The following FANCE variants were observed in gnomAD, a reference collection of about 807,000 sequenced individuals.
FANCE encodes Fanconi anemia group E protein.
In FANCE, 42 loss-of-function variants were observed where a neutral mutation model predicts 57.8. The observed-to-expected ratio is 0.73, with a 90% confidence interval of 0.57 to 0.94. FANCE has a LOEUF of 0.94. Among genes scored for constraint, FANCE ranks in the 40% least tolerant of loss-of-function variants. FANCE has a pLI of 0.00. For synonymous variants in FANCE, 251 were observed against 286.4 expected, an observed-to-expected ratio of 0.88 and a Z score of 1.25; for missense variants, 608 against 661.8, an observed-to-expected ratio of 0.92 and a Z score of 0.89.
chr6:35,452,511 C>A lies in FANCE; in HGVS notation c.-35C>A. On this transcript the variant is annotated 5_prime_UTR_variant, in exon 1 of 10. Transcript: ENST00000229769. ...CAGCCTCTGAGCTGAGGCCCCACAC[C>A]AGAGTAGGGGGCGGCGCGGCACCCG... 1 of 1,261,246 alleles carries A rather than the reference C, an allele frequency of 7.9e-7. No individual in the cohort carries two copies. Among genetic ancestry groups the A allele is most frequent in the Non-Finnish European group, 1.0e-6 (1 of 1,002,500 alleles). 78.1% of individuals were successfully genotyped at this position (1,261,246 alleles called of 1,614,324 possible).
rs1400085728 is a variant in FANCE, at chr6:35,464,861, T to A, written c.1510-1383T>A. Among the ~76,000 whole-genome samples the A allele has an allele frequency of 2.0e-5, 3 of 149,124 alleles. No homozygotes were observed. The Admixed American group carries it at 2.0e-4, about 10-fold the overall frequency. ...CATTCTCCTGCCTCAGCCTCCCGAG[T>A]AGCTGGGACTACAGGCGCCTGCCAG... is the stretch of plus-strand genomic sequence containing the variant. On this transcript the variant is annotated intron_variant, in intron 9 of 9. Coordinates refer to ENST00000229769, the MANE Select transcript of FANCE (RefSeq NM_021922.3).
At chr6:35,458,579 G>A (rs1767449043) in intron 5 of FANCE, 139 bp downstream of exon 5, 1 of 1,048,286 alleles carries the variant, frequency 9.5e-7, no homozygotes, top group Non-Finnish European at 1.5e-6. Flanking sequence ...GGCAAGGAAA[G>A]GATGCCTGCT....
rs1389698511 is a variant in FANCE at position 35,452,750 on chromosome 6, C to G, written c.205C>G (p.Arg69Gly). Residue 69 changes from arginine to glycine, a missense_variant, in exon 1 of 10, where the codon CGG (arginine) becomes GGG (glycine). Coordinates refer to ENST00000229769, the MANE Select transcript of FANCE (RefSeq NM_021922.3). Reference protein sequence around the residue: ...DWGRLLEALCREEPVVQGPDG... With the variant: ...DWGRLLEALCGEEPVVQGPDG... The stretch of plus-strand genomic sequence containing the variant: ...GGGTCGCTTGCTCGAGGCCCTGTGC[C>G]GGGAGGAGCCGGTCGTGCAGGGGCC... 7.9e-7 allele frequency: 1 copy of G among 1,271,710 alleles called. No individual in the cohort carries two copies. Among genetic ancestry groups the G allele is most frequent in the Non-Finnish European group, 9.9e-7 (1 of 1,006,102 alleles). The allele number at this position is 1,271,710 out of a possible 1,614,324, so 78.8% of individuals were successfully genotyped here.
chr6:35,453,843 G>A (rs1767211080), intron 1 of FANCE, among the ~76,000 whole-genome samples: 2 of 152,100 alleles, frequency 1.3e-5, no homozygotes, highest in Non-Finnish European at 2.9e-5. Context: ...GAGAGGGCAG[G>A]GCCTTAACCT....
At chr6:35,465,465 T>C (rs1767796081) in intron 9 of FANCE, among the ~76,000 whole-genome samples, 1 of 152,192 alleles carries the variant, frequency 6.6e-6, no homozygotes, top group South Asian at 2.1e-4. Flanking sequence ...GCATGAACCA[T>C]GGTGCCCAGC....
In FANCE at chr6:35,452,541, C is replaced by A; in HGVS notation, c.-5C>A. On this transcript the variant is annotated 5_prime_UTR_variant, in exon 1 of 10. Coordinates refer to ENST00000229769, the MANE Select transcript of FANCE (RefSeq NM_021922.3). ...TAGGGGGCGGCGCGGCACCCGTGCC[C>A]CGGCATGGCGACACCGGACGCGGGG... 1 of 1,311,574 alleles carries A rather than the reference C, an allele frequency of 7.6e-7. No homozygotes were observed. The highest frequency in any genetic ancestry group is 9.7e-7 in the Non-Finnish European group (1 of 1,026,686). 81.2% of individuals were successfully genotyped at this position (1,311,574 alleles called of 1,614,324 possible). A position where few individuals can be genotyped will look rare whatever the true frequency, so the allele number is the denominator to read the frequency against.
chr6:35,452,362 A>C lies in FANCE; in HGVS notation c.-184A>C. On this transcript the variant is annotated 5_prime_UTR_variant, in exon 1 of 10. Coordinates refer to ENST00000229769, the MANE Select transcript of FANCE (RefSeq NM_021922.3). ...TCCTTCCCTTTCCGACAGCGCGGGA[A>C]CGGCTGCGGCTTCGGGCGGCCGGGT... is the stretch of plus-strand genomic sequence containing the variant. 53 of 515,882 alleles carry C rather than the reference A, an allele frequency of 1.0e-4. No individual in the cohort carries two copies. Among genetic ancestry groups the C allele is most frequent in the East Asian group, 2.6e-4 (6 of 23,190 alleles). 32.0% of individuals were successfully genotyped at this position (515,882 alleles called of 1,614,324 possible).
intron 5 of FANCE, among the ~76,000 whole-genome samples, chr6:35,458,858 G>T (rs1166322211): frequency 1.3e-5 from 2 of 152,208 alleles, no homozygotes; most frequent in African/African-American, 2.4e-5. Flanking sequence ...TTGGCTCACT[G>T]CGACCTCTGC....
chr6:35,458,509 T>C (rs1767445266), intron 5 of FANCE, 69 bp downstream of exon 5: 2 of 1,583,066 alleles, frequency 1.3e-6, no homozygotes, highest in Non-Finnish European at 1.7e-6. Flanking sequence ...CTCAGAAGGG[T>C]GGTACTTGAG....
Position 35,466,438 on chromosome 6 carries a change from A to C in FANCE, c.*93A>C. ...CCACCTTGTCTTGAGCCCTAGCCTGAGGATAAAGGCTGAGCCTGGCCATCC... is the reference window on the plus strand; with the variant it reads ...CCACCTTGTCTTGAGCCCTAGCCTGCGGATAAAGGCTGAGCCTGGCCATCC... On this transcript the variant is annotated 3_prime_UTR_variant, in exon 10 of 10. Transcript: ENST00000229769. 1.1e-6 allele frequency: 1 copy of C among 880,696 alleles called. No individual in the cohort carries two copies. The highest frequency in any genetic ancestry group is 1.3e-5 in the South Asian group (1 of 74,514). The allele number at this position is 880,696 out of a possible 1,614,324, so 54.6% of individuals were successfully genotyped here. A position where few individuals can be genotyped will look rare whatever the true frequency, so the allele number is the denominator to read the frequency against.
chr6:35,458,068 A>G lies in FANCE; in HGVS notation c.969+84A>G. 11 of 1,328,512 alleles carry G rather than the reference A, an allele frequency of 8.3e-6. 1 individual carries two copies. Among genetic ancestry groups the G allele is most frequent in the Non-Finnish European group, 1.2e-5 (11 of 928,502 alleles). 82.3% of individuals were successfully genotyped at this position (1,328,512 alleles called of 1,614,324 possible). ...ATTTAAGTTTATGTTTTCCTACCTC[A>G]TGTGGGAAATGTGGGAGGGGATTTT... On this transcript the variant is annotated intron_variant, in intron 4 of 9. Transcript: ENST00000229769.
At chr6:35,453,461 G>C (rs1767194756) in intron 1 of FANCE, among the ~76,000 whole-genome samples, 1 of 151,582 alleles carries the variant, frequency 6.6e-6, no homozygotes, top group Admixed American at 6.6e-5. Context: ...TTATTTGTGA[G>C]GACAACTTTT....
Position 35,466,429 on chromosome 6 carries a change from C to A in FANCE, c.*84C>A. On this transcript the variant is annotated 3_prime_UTR_variant, in exon 10 of 10. Coordinates refer to ENST00000229769, the MANE Select transcript of FANCE (RefSeq NM_021922.3). Reference sequence around the variant, plus strand: ...CTTTCTTCACCACCTTGTCTTGAGCCCTAGCCTGAGGATAAAGGCTGAGCC... The same window carrying A: ...CTTTCTTCACCACCTTGTCTTGAGCACTAGCCTGAGGATAAAGGCTGAGCC... The A allele has an allele frequency of 1.1e-6, 1 of 931,694 alleles. No homozygotes were observed. The highest frequency in any genetic ancestry group is 1.3e-5 in the South Asian group (1 of 76,182). 57.7% of individuals were successfully genotyped at this position (931,694 alleles called of 1,614,324 possible).
intron 8 of FANCE, 54 bp downstream of exon 8, chr6:35,460,672 A>ACCCCGTGT: frequency 6.5e-7 from 1 of 1,538,364 alleles, no homozygotes; most frequent in Non-Finnish European, 9.0e-7. Flanking sequence ...AGTCCTTGGA[A>ACCCCGTGT]GCACACGGGG....
chr6:35,460,442 A>G, intron 7 of FANCE, 110 bp from the exon 8 acceptor site: 1 of 1,072,658 alleles, frequency 9.3e-7, no homozygotes, highest in Non-Finnish European at 1.4e-6. Flanking sequence ...TTGGCTGGGG[A>G]TCTTGGCTGT....
chr6:35,459,902 CCTT>C (rs1767516589), intron 7 of FANCE, 142 bp downstream of exon 7: 1 of 715,106 alleles, frequency 1.4e-6, no homozygotes, highest in Admixed American at 2.2e-5. Flanking sequence ...TCCTCTTTCT[CCTT>C]TATGAGTCCT....
chr6:35,452,812 C>A lies in FANCE; in HGVS notation c.248+19C>A. On this transcript the variant is annotated intron_variant, in intron 1 of 9. Transcript: ENST00000229769. ...TGGAGCTGTAAGTCCTCGCCCGCGGCCCCTTAGCAGGTATGGGAGGCGGGG... is the reference window on the plus strand; with the variant it reads ...TGGAGCTGTAAGTCCTCGCCCGCGGACCCTTAGCAGGTATGGGAGGCGGGG... 1 of 1,311,570 alleles carries A rather than the reference C, an allele frequency of 7.6e-7. No individual in the cohort carries two copies. Among genetic ancestry groups the A allele is most frequent in the Non-Finnish European group, 9.8e-7 (1 of 1,024,526 alleles). The allele number at this position is 1,311,570 out of a possible 1,614,324, so 81.2% of individuals were successfully genotyped here.
In FANCE at chr6:35,458,390, C is replaced by T; in HGVS notation, c.1063C>T (p.Leu355Phe). 1.9e-6 allele frequency: 3 copies of T among 1,614,218 alleles called. No homozygotes were observed. The highest frequency in any genetic ancestry group is 2.5e-6 in the Non-Finnish European group (3 of 1,180,042). ...CTWLLALSPDLSLSNATVLTR... is the reference protein window; with the variant it reads ...CTWLLALSPDFSLSNATVLTR... Reference sequence around the variant, plus strand: ...CTGGCTGCTGGCCCTTTCACCTGATCTCAGCCTCAGCAATGCTACTGTGCT... The same window carrying T: ...CTGGCTGCTGGCCCTTTCACCTGATTTCAGCCTCAGCAATGCTACTGTGCT... The change falls in exon 5 of 10, where the codon CTC (leucine) becomes TTC (phenylalanine). Residue 355 changes from leucine (L) to phenylalanine (F), a missense_variant. Transcript: ENST00000229769.
At chr6:35,465,876 G>T (rs1767811020) in intron 9 of FANCE, among the ~76,000 whole-genome samples, 1 of 152,228 alleles carries the variant, frequency 6.6e-6, no homozygotes. Flanking sequence ...TCACAGTAGA[G>T]TGTCTGTGAA....
Sources: gnomAD v4.1 joint callset for allele counts (sites outside exome capture counted in the v4.1 genomes callset) on GRCh38, gnomAD v4.1.1 for gene constraint, MANE v1.5 for transcripts, NCBI Gene and HGNC (gene_info 2026-07-23, HGNC 2026-07-21) for gene names.